Variants in TRIM33 observed in about 807,000 individuals in gnomAD.
The protein encoded by TRIM33 is E3 ubiquitin-protein ligase TRIM33.
TRIM33 carries 20 observed loss-of-function variants against 125.4 expected under a neutral mutation model. The observed-to-expected ratio is 0.16, with a 90% CI of 0.11 to 0.23. The LOEUF is 0.23. Among genes scored for constraint, TRIM33 ranks in the 10% least tolerant of loss-of-function variants. The pLI, the probability that TRIM33 is intolerant of heterozygous loss-of-function variation, is 1.00. For missense variants in TRIM33, 920 were observed against 1,411.4 expected (o/e 0.65, Z 5.58); for synonymous variants, 564 against 513.9 (o/e 1.10, Z -1.32).
intron 4 of TRIM33, among the ~76,000 whole-genome samples, chr1:114,434,504 T>C (rs1648158345): frequency 6.6e-6 from 1 of 152,260 alleles, no homozygotes; most frequent in Admixed American, 6.5e-5. Context: ...TCAGCATGAA[T>C]GCTATATGTT....
chr1:114,399,366 T>A (rs936471159), intron 18 of TRIM33, 91 bp downstream of exon 18: 22 of 1,325,574 alleles, frequency 1.7e-5, no homozygotes, highest in African/African-American at 3.0e-5. Context: ...GAAAAAAAAA[T>A]TTTAATAAAA....
rs1230689117 is a variant in TRIM33, at chr1:114,492,353, TATAAC to T, written c.526+18193_526+18197del. Among the ~76,000 whole-genome samples the T allele has an allele frequency of 5.3e-5, 8 of 152,340 alleles. No homozygotes were observed. The East Asian group carries it at 1.3e-3, about 26-fold the overall frequency. On this transcript the variant is annotated intron_variant, in intron 1 of 19. Transcript: ENST00000358465. ...TAACATTTTTATTGTGGTATATACA[TATAAC>T]ATAAAATTTGCCATTTGAACTATTA...
intron 4 of TRIM33, among the ~76,000 whole-genome samples, chr1:114,442,907 G>A (rs1325567858): frequency 6.6e-6 from 1 of 151,434 alleles, no homozygotes; most frequent in Non-Finnish European, 1.5e-5. Flanking sequence ...ATAGGAATGA[G>A]GCATCAATAT....
intron 1 of TRIM33, among the ~76,000 whole-genome samples, chr1:114,487,446 G>A (rs185957018): frequency 1.1e-4 from 16 of 151,012 alleles, no homozygotes; most frequent in Non-Finnish European, 5.9e-5. Flanking sequence ...AGGAATGAAG[G>A]ACAACTAAAG....
intron 4 of TRIM33, among the ~76,000 whole-genome samples, chr1:114,440,432 AC>A (rs1648583365): frequency 6.6e-6 from 1 of 152,136 alleles, no homozygotes. Context: ...GAAAAACAGC[AC>A]CCTAAGCAAG....
At chr1:114,441,079 G>A (rs1327211270) in intron 4 of TRIM33, among the ~76,000 whole-genome samples, 8 of 152,230 alleles carry the variant, frequency 5.3e-5, no homozygotes, top group Non-Finnish European at 5.9e-5. Flanking sequence ...AGGCTGAAGT[G>A]GGAGGATCGC....
At chr1:114,405,159 T>C (rs1030471431) in intron 15 of TRIM33, 6 of 347,426 alleles carry the variant, frequency 1.7e-5, no homozygotes, top group Non-Finnish European at 3.1e-5. Flanking sequence ...TAGAGTTTTA[T>C]CTATTTTCCT....
Position 114,421,469 on chromosome 1 carries a change from G to A in TRIM33, c.2028C>T (p.Asn676=). 6.2e-7 allele frequency: 1 copy of A among 1,614,134 alleles called. No homozygotes were observed. Among genetic ancestry groups the A allele is most frequent in the Non-Finnish European group, 8.5e-7 (1 of 1,180,020 alleles). ...ELIPSVTNPE[N]LPSLPDIPPI... ...GTGGAATATCTGGCAGCGATGGAAG[G>A]TTTTCTGGATTGGTAACTGAGGGGA... is the stretch of plus-strand genomic sequence containing the variant. Residue 676 remains asparagine (N), a synonymous_variant, in exon 11 of 20, where the codon AAC becomes AAT. Coordinates refer to ENST00000358465, the MANE Select transcript of TRIM33 (RefSeq NM_015906.4).
At chr1:114,402,963 C>T in intron 15 of TRIM33, 80 bp from the exon 16 acceptor site, 1 of 1,336,302 alleles carries the variant, frequency 7.5e-7, no homozygotes, top group Non-Finnish European at 9.9e-7. Flanking sequence ...GGACTGGGGC[C>T]TGGTTTATTT....
In TRIM33 at chr1:114,511,081, T is replaced by G. The variant is rs1653339302; in HGVS notation, c.-5A>C. The stretch of plus-strand genomic sequence containing the variant: ...GCCGCCTTTGTTTTCCGCCATGTTT[T>G]CCTCTTTGAACCCGCCGGACCGCCC... On this transcript the variant is annotated 5_prime_UTR_variant, in exon 1 of 20. Transcript: ENST00000358465. 2 of 1,256,974 alleles carry G rather than the reference T, an allele frequency of 1.6e-6. No homozygotes were observed. Among genetic ancestry groups the G allele is most frequent in the African/African-American group, 3.2e-5 (2 of 62,374 alleles). 77.9% of individuals were successfully genotyped at this position (1,256,974 alleles called of 1,614,324 possible). A position where few individuals can be genotyped will look rare whatever the true frequency, so the allele number is the denominator to read the frequency against.
At chr1:114,468,054 A>ATT (rs1650413703) in intron 1 of TRIM33, among the ~76,000 whole-genome samples, 1 of 152,220 alleles carries the variant, frequency 6.6e-6, no homozygotes, top group Non-Finnish European at 1.5e-5. Flanking sequence ...AAGAATAGGA[A>ATT]AAAGAAGCTG....
At chr1:114,405,384 C>A in intron 15 of TRIM33, 26 bp downstream of exon 15, 1 of 1,550,382 alleles carries the variant, frequency 6.5e-7, no homozygotes, top group South Asian at 1.2e-5. Flanking sequence ...AAAATCAACA[C>A]CAAAAATCAA....
chr1:114,499,328 T>C (rs545711165), intron 1 of TRIM33, among the ~76,000 whole-genome samples: 8 of 152,062 alleles, frequency 5.3e-5, no homozygotes, highest in African/African-American at 1.9e-4. Flanking sequence ...TCAAGACTCA[T>C]CTTCCTAAAA....
chr1:114,453,256 C>T (rs929465021), intron 4 of TRIM33, among the ~76,000 whole-genome samples: 1 of 150,862 alleles, frequency 6.6e-6, no homozygotes, highest in African/African-American at 2.4e-5. Flanking sequence ...CCCAGCTACT[C>T]GGGAAGCTGA....
intron 4 of TRIM33, among the ~76,000 whole-genome samples, chr1:114,444,113 C>T (rs1648826278): frequency 6.6e-6 from 1 of 152,114 alleles, no homozygotes; most frequent in South Asian, 2.1e-4. Context: ...GAACAGGGGG[C>T]TAGAGGCGAA....
chr1:114,431,224 A>G (rs1441894235), intron 5 of TRIM33, among the ~76,000 whole-genome samples: 1 of 152,282 alleles, frequency 6.6e-6, no homozygotes. Context: ...ACTTCTGGAT[A>G]GTGTCAAATG....
rs1220682931 is a variant in TRIM33 at position 114,510,603 on chromosome 1, C to T, written c.474G>A (p.Glu158=). ...SFCLRCLPEP[E]RQLSVPIPGG... is the part of the protein sequence containing the mutation. The stretch of plus-strand genomic sequence containing the variant: ...CCGGGATGGGCACGCTGAGCTGGCG[C>T]TCCGGCTCGGGCAGGCAGCGCAGGC... Residue 158 remains glutamate (E), a synonymous_variant, in exon 1 of 20, where the codon GAG becomes GAA. Transcript: ENST00000358465. The T allele has an allele frequency of 4.5e-6, 7 of 1,551,900 alleles. No homozygotes were observed. Among genetic ancestry groups the T allele is most frequent in the Non-Finnish European group, 6.1e-6 (7 of 1,154,156 alleles).
At chr1:114,493,591 T>C (rs1222641936) in intron 1 of TRIM33, among the ~76,000 whole-genome samples, 1 of 152,150 alleles carries the variant, frequency 6.6e-6, no homozygotes, top group Non-Finnish European at 1.5e-5. Context: ...AGCCTGTTGA[T>C]ATATTTTGAG....
rs190409270 is a variant in TRIM33 at position 114,506,136 on chromosome 1, C to T, written c.526+4415G>A. Among the ~76,000 whole-genome samples, 56 of 152,036 alleles carry T rather than the reference C, an allele frequency of 3.7e-4. No homozygotes were observed. The East Asian group carries it at 9.9e-3, about 27-fold the overall frequency. ...GTGCCTCACGCCTATAATCCCAGCA[C>T]TTTGGGAGGCCAAGGCAGGTGGATC... On this transcript the variant is annotated intron_variant, in intron 1 of 19. Transcript: ENST00000358465.
Sources: allele counts gnomAD v4.1 joint callset (sites outside exome capture counted in the v4.1 genomes callset), GRCh38; gene constraint gnomAD v4.1.1; transcripts MANE v1.5; gene names NCBI Gene and HGNC (gene_info 2026-07-23, HGNC 2026-07-21).